The following AKAP19 variants were observed in gnomAD, a reference collection of about 807,000 sequenced individuals.
AKAP19 encodes the protein A-kinase anchoring protein 19, also known as small A-kinase anchoring protein.
chr2:190,119,193 G>C, the AKAP19 span, among the ~76,000 whole-genome samples: 1 of 152,188 alleles, frequency 6.6e-6, no homozygotes, highest in African/African-American at 2.4e-5. Flanking sequence ...CACATGGAGT[G>C]GTTTTAAGGA....
chr2:190,024,401 T>G, the AKAP19 span, among the ~76,000 whole-genome samples: 1 of 150,734 alleles, frequency 6.6e-6, no homozygotes, highest in Non-Finnish European at 1.5e-5. Flanking sequence ...TATATACATA[T>G]ATATTTTTTC....
chr2:190,000,936 G>T, the AKAP19 span, among the ~76,000 whole-genome samples: 8 of 151,820 alleles, frequency 5.3e-5, no homozygotes, highest in East Asian at 1.3e-3. Context: ...TTTTTGCGGG[G>T]ACTCCCATTA....
the AKAP19 span, among the ~76,000 whole-genome samples, chr2:190,133,339 C>T: frequency 2.7e-4 from 40 of 150,662 alleles, no homozygotes; most frequent in African/African-American, 9.0e-4. Flanking sequence ...AAAAAACATG[C>T]TCAACATCAT....
chr2:190,170,115 T>C, the AKAP19 span, among the ~76,000 whole-genome samples: 1 of 152,136 alleles, frequency 6.6e-6, no homozygotes, highest in African/African-American at 2.4e-5. Flanking sequence ...GACAGCACAA[T>C]TGGGTTCTGG....
At chr2:190,074,065 A>G in the AKAP19 span, among the ~76,000 whole-genome samples, 2 of 151,504 alleles carry the variant, frequency 1.3e-5, no homozygotes, top group Non-Finnish European at 2.9e-5. Flanking sequence ...AAAAAATTGC[A>G]GAATATCTAG....
At chr2:189,964,675 G>T in the AKAP19 span, among the ~76,000 whole-genome samples, 1 of 152,108 alleles carries the variant, frequency 6.6e-6, no homozygotes, top group South Asian at 2.1e-4. Flanking sequence ...TATGGATATG[G>T]CTTCCTTTAA....
the AKAP19 span, among the ~76,000 whole-genome samples, chr2:189,982,017 GC>G: frequency 4.1e-5 from 6 of 146,084 alleles, no homozygotes; most frequent in Admixed American, 6.7e-5. Flanking sequence ...TTGCAGGTGT[GC>G]TTTAAATTTC....
At chr2:189,963,411 G>A in the AKAP19 span, among the ~76,000 whole-genome samples, 1 of 152,082 alleles carries the variant, frequency 6.6e-6, no homozygotes, top group Non-Finnish European at 1.5e-5. Flanking sequence ...CAGCCAGGAT[G>A]GTCTCGATCT....
the AKAP19 span, among the ~76,000 whole-genome samples, chr2:190,107,125 T>C: frequency 3.7e-4 from 56 of 152,236 alleles, no homozygotes; most frequent in Admixed American, 1.9e-3. Flanking sequence ...TTCTGTGATT[T>C]AATATTAAAT....
the AKAP19 span, among the ~76,000 whole-genome samples, chr2:190,072,080 A>G: frequency 1.3e-5 from 2 of 152,210 alleles, no homozygotes; most frequent in South Asian, 4.1e-4. Flanking sequence ...ATGCAGCCAT[A>G]AAAAAGAACG....
the AKAP19 span, among the ~76,000 whole-genome samples, chr2:190,122,115 C>G: frequency 2.0e-5 from 3 of 152,234 alleles, no homozygotes; most frequent in East Asian, 5.8e-4. Context: ...TGGCAAAGTA[C>G]TTGTCGATAG....
At chr2:190,200,454 G>T in the AKAP19 span, 1 of 241,228 alleles carries the variant, frequency 4.1e-6, no homozygotes, top group Non-Finnish European at 8.8e-6. Context: ...AAAATGCTAA[G>T]GAATAAAAAC....
the AKAP19 span, among the ~76,000 whole-genome samples, chr2:190,120,860 A>G: frequency 6.6e-6 from 1 of 152,140 alleles, no homozygotes; most frequent in Admixed American, 6.5e-5. Context: ...TGGATGATAA[A>G]GGAATTTACC....
the AKAP19 span, among the ~76,000 whole-genome samples, chr2:190,029,074 C>T: frequency 6.1e-5 from 9 of 148,330 alleles, no homozygotes; most frequent in Admixed American, 1.3e-4. Flanking sequence ...TTTTTTGAGA[C>T]GGAGTCTCAC....
chr2:190,110,136 G>A, the AKAP19 span, among the ~76,000 whole-genome samples: 1 of 150,952 alleles, frequency 6.6e-6, no homozygotes, highest in African/African-American at 2.4e-5. Context: ...AGAAAATCAC[G>A]ACAAAATGTA....
At chr2:189,894,519 T>C in the AKAP19 span, among the ~76,000 whole-genome samples, 147 of 152,236 alleles carry the variant, frequency 9.7e-4, 1 homozygote, top group African/African-American at 3.5e-3. Context: ...TGCTTGAAAC[T>C]ACCTAATCAA....
At chr2:190,193,373 T>G in the AKAP19 span, among the ~76,000 whole-genome samples, 1 of 152,148 alleles carries the variant, frequency 6.6e-6, no homozygotes, top group Non-Finnish European at 1.5e-5. Flanking sequence ...TGAGGGATAT[T>G]GGCCTGTGGA....
the AKAP19 span, among the ~76,000 whole-genome samples, chr2:189,885,312 T>A: frequency 6.6e-6 from 1 of 152,236 alleles, no homozygotes; most frequent in Non-Finnish European, 1.5e-5. Flanking sequence ...AATCACCTTG[T>A]GAGAAGTCAG....
chr2:189,935,093 G>C, the AKAP19 span, among the ~76,000 whole-genome samples: 4 of 152,038 alleles, frequency 2.6e-5, no homozygotes, highest in South Asian at 2.1e-4. Flanking sequence ...CAAATGAATG[G>C]GGAACATGAT....
Sources: allele counts gnomAD v4.1 joint callset (sites outside exome capture counted in the v4.1 genomes callset), GRCh38; gene constraint gnomAD v4.1.1; transcripts MANE v1.5; gene names NCBI Gene and HGNC (gene_info 2026-07-23, HGNC 2026-07-21).